Variants in FBXL5 observed in about 807,000 individuals in gnomAD.
The protein encoded by FBXL5 is F-box and leucine rich repeat protein 5.
Under a neutral mutation model 78.3 loss-of-function variants are expected in FBXL5, and 26 were observed. The observed-to-expected ratio is 0.33, with a 90% confidence interval of 0.24 to 0.46. The LOEUF is 0.46. Ranked by LOEUF, FBXL5 falls within the 20% of genes least tolerant of loss-of-function variation. The probability of loss-of-function intolerance (pLI) is 1.00; values close to 1 mark genes in which losing one functional copy is unlikely to be tolerated. For synonymous variants in FBXL5, 295 were observed against 282.5 expected (o/e 1.04, Z -0.45); for missense variants, 710 against 829.2 (o/e 0.86, Z 1.77).
Position 15,608,119 on chromosome 4 carries a change from T to C in FBXL5, c.2000-2320A>G, listed in dbSNP as rs941119997. Among the ~76,000 whole-genome samples, 6 of 152,166 alleles carry C rather than the reference T, an allele frequency of 3.9e-5. No homozygotes were observed. The East Asian group carries it at 5.8e-4, about 15-fold the overall frequency. The stretch of plus-strand genomic sequence containing the variant: ...CATACCACCGACACGGAGGACTTAC[T>C]ATAGTCCTATTTTTTTAAAAGGACA... On this transcript the variant is annotated intron_variant, in intron 10 of 10. Transcript: ENST00000341285.
chr4:15,666,590 G>A (rs1474838315), intron 1 of FBXL5, among the ~76,000 whole-genome samples: 1 of 152,092 alleles, frequency 6.6e-6, no homozygotes, highest in Non-Finnish European at 1.5e-5. Context: ...GGACAGCAGG[G>A]TGATTACAGT....
At chr4:15,672,788 A>G (rs1717819748) in intron 1 of FBXL5, among the ~76,000 whole-genome samples, 1 of 152,206 alleles carries the variant, frequency 6.6e-6, no homozygotes, top group Admixed American at 6.5e-5. Flanking sequence ...TTTTTATTTT[A>G]TAAACTTAAA....
intron 9 of FBXL5, 75 bp from the exon 10 acceptor site, chr4:15,612,489 C>CATAGG: frequency 4.6e-6 from 6 of 1,311,606 alleles, no homozygotes; most frequent in Non-Finnish European, 6.2e-6. Flanking sequence ...TTCACTGAAC[C>CATAGG]ACTATTTTAC....
chr4:15,648,011 C>T (rs1715547607), intron 1 of FBXL5, among the ~76,000 whole-genome samples: 1 of 152,124 alleles, frequency 6.6e-6, no homozygotes, highest in South Asian at 2.1e-4. Flanking sequence ...GTGTGGTGTG[C>T]ACCACACCCA....
intron 9 of FBXL5, among the ~76,000 whole-genome samples, chr4:15,621,840 T>C (rs947210155): frequency 6.6e-6 from 1 of 152,206 alleles, no homozygotes; most frequent in Non-Finnish European, 1.5e-5. Context: ...TCAATGCTCC[T>C]TCTTTTGAGA....
At position 15,640,884 on chromosome 4, in the gene FBXL5, C is replaced by T; in HGVS notation, c.301-1G>A. The T allele has an allele frequency of 7.0e-7, 1 of 1,422,290 alleles. No individual in the cohort carries two copies. The highest frequency in any genetic ancestry group is 9.4e-7 in the Non-Finnish European group (1 of 1,063,542). 88.1% of individuals were successfully genotyped at this position (1,422,290 alleles called of 1,614,324 possible). A position where few individuals can be genotyped will look rare whatever the true frequency, so the allele number is the denominator to read the frequency against. Reference sequence around the variant, plus strand: ...CATAATTTAACTGTTCATATTCATTCTGGAAACCAAAAAAAAAATACATTT... The same window carrying T: ...CATAATTTAACTGTTCATATTCATTTTGGAAACCAAAAAAAAAATACATTT... On this transcript the variant is annotated splice_acceptor_variant, in intron 2 of 10. Transcript: ENST00000341285. LOFTEE classifies it high-confidence loss of function.
At chr4:15,672,696 C>T (rs1023889082) in intron 1 of FBXL5, among the ~76,000 whole-genome samples, 2 of 152,192 alleles carry the variant, frequency 1.3e-5, no homozygotes, top group East Asian at 1.9e-4. Context: ...TATTATAACA[C>T]TACTGTAGAC....
At chr4:15,673,544 G>C (rs537147125) in intron 1 of FBXL5, among the ~76,000 whole-genome samples, 1 of 152,268 alleles carries the variant, frequency 6.6e-6, no homozygotes, top group South Asian at 2.1e-4. Context: ...GACATCACTA[G>C]GTGGTAGGAA....
intron 9 of FBXL5, among the ~76,000 whole-genome samples, chr4:15,623,746 G>C (rs924185642): frequency 2.6e-4 from 40 of 152,014 alleles, no homozygotes; most frequent in Middle Eastern, 6.9e-3. Flanking sequence ...ATTCACAGCA[G>C]CCAAACCACA....
intron 2 of FBXL5, among the ~76,000 whole-genome samples, chr4:15,643,347 G>A (rs1715080029): frequency 1.3e-5 from 2 of 152,190 alleles, no homozygotes; most frequent in Non-Finnish European, 2.9e-5. Flanking sequence ...GCTTAACAGA[G>A]TTGTAACTTA....
chr4:15,654,595 T>C (rs1716594425), intron 1 of FBXL5, among the ~76,000 whole-genome samples: 1 of 152,016 alleles, frequency 6.6e-6, no homozygotes, highest in African/African-American at 2.4e-5. Context: ...ACATGAAGAG[T>C]GAAGGTTCTT....
chr4:15,630,269 A>G (rs956865982), intron 6 of FBXL5, among the ~76,000 whole-genome samples: 36 of 152,178 alleles, frequency 2.4e-4, no homozygotes, highest in African/African-American at 8.2e-4. Context: ...CTATCTACAA[A>G]CGAGTAAGTC....
At chr4:15,616,191 C>T (rs1051656888) in intron 9 of FBXL5, among the ~76,000 whole-genome samples, 4 of 152,324 alleles carry the variant, frequency 2.6e-5, no homozygotes, top group African/African-American at 7.2e-5. Context: ...ACTCCAGACG[C>T]GCCACCTTAA....
At chr4:15,606,426 T>TA (rs1463919190) in intron 10 of FBXL5, among the ~76,000 whole-genome samples, 7 of 151,180 alleles carry the variant, frequency 4.6e-5, no homozygotes, top group East Asian at 1.9e-4. Context: ...TTACAAAGAA[T>TA]AAAAAAAAAT....
In FBXL5 at chr4:15,655,242, A is replaced by C. The variant is rs1353050577; in HGVS notation, c.46T>G (p.Trp16Gly). 6.9e-7 allele frequency: 1 copy of C among 1,440,298 alleles called. No individual in the cohort carries two copies. Among genetic ancestry groups the C allele is most frequent in the Admixed American group, 2.2e-5 (1 of 45,636 alleles). The allele number at this position is 1,440,298 out of a possible 1,614,324, so 89.2% of individuals were successfully genotyped here. A position where few individuals can be genotyped will look rare whatever the true frequency, so the allele number is the denominator to read the frequency against. The change falls in exon 1 of 11, where the codon TGG (tryptophan) becomes GGG (glycine). Residue 16 changes from tryptophan to glycine, a missense_variant. Trp to Gly is a radical substitution (Grantham distance 184). This residue lies in a region of FBXL5 where 132 missense variants were observed against 156.9 expected (regional missense o/e 0.84). Coordinates refer to ENST00000341285, the MANE Select transcript of FBXL5 (RefSeq NM_012161.4). ...EEVDVFTAPH[W>G]RMKQLVGLYC... Reference sequence around the variant, plus strand: ...AGCCCCACCAGCTGCTTCATCCGCCAGTGTGGGGCGGTGAAGACGTCCACT... The same window carrying C: ...AGCCCCACCAGCTGCTTCATCCGCCCGTGTGGGGCGGTGAAGACGTCCACT...
chr4:15,633,106 G>A (rs1190207647), intron 5 of FBXL5, among the ~76,000 whole-genome samples: 1 of 152,130 alleles, frequency 6.6e-6, no homozygotes, highest in Non-Finnish European at 1.5e-5. Flanking sequence ...GACACACTGA[G>A]AAGAACTATG....
intron 5 of FBXL5, among the ~76,000 whole-genome samples, chr4:15,631,166 T>C (rs1301399252): frequency 1.3e-5 from 2 of 151,828 alleles, no homozygotes; most frequent in East Asian, 1.9e-4. Flanking sequence ...GAACATGCGG[T>C]ATTTGGTTTT....
chr4:15,677,642 G>A (rs560513177), intron 1 of FBXL5, among the ~76,000 whole-genome samples: 1 of 152,108 alleles, frequency 6.6e-6, no homozygotes, highest in Non-Finnish European at 1.5e-5. Flanking sequence ...GTGCTGGGAG[G>A]GTGGCACAGA....
At position 15,625,269 on chromosome 4, in the gene FBXL5, G is replaced by A. The variant is rs781237409; in HGVS notation, c.1833C>T (p.Ile611=). ...LFLSLSGCYQ[I]TDHGLRVLTL... is the part of the protein sequence containing the mutation. ...TAACTCACCTGAGACCATGGTCTGT[G>A]ATCTGATAACATCCAGATAAACTGA... Residue 611 remains isoleucine, a synonymous_variant, in exon 9 of 11, where the codon ATC becomes ATT. Coordinates refer to ENST00000341285, the MANE Select transcript of FBXL5 (RefSeq NM_012161.4). 1.9e-6 allele frequency: 3 copies of A among 1,611,918 alleles called. No homozygotes were observed. The highest frequency in any genetic ancestry group is 1.1e-5 in the South Asian group (1 of 90,770).
Sources: allele counts gnomAD v4.1 joint callset (sites outside exome capture counted in the v4.1 genomes callset), GRCh38; gene constraint gnomAD v4.1.1; regional missense constraint gnomAD v4.1.1; transcripts MANE v1.5; gene names NCBI Gene and HGNC (gene_info 2026-07-23, HGNC 2026-07-21).